The following AFF4 variants were observed in gnomAD, a reference collection of about 807,000 sequenced individuals.
The protein encoded by AFF4 is ALF transcription elongation factor 4, also known as AF4/FMR2 family member 4.
In AFF4, 13 loss-of-function variants were observed where a neutral mutation model predicts 124.8. The observed-to-expected ratio is 0.10, with a 90% confidence interval of 0.07 to 0.17. The LOEUF (loss-of-function observed/expected upper bound fraction) is 0.17, where lower values mean the gene tolerates loss of function less well. Among genes scored for constraint, AFF4 ranks in the 10% least tolerant of loss-of-function variants. AFF4 has a pLI of 1.00. For synonymous variants in AFF4, 477 were observed against 496.1 expected (o/e 0.96, Z 0.51); for missense variants, 1,092 against 1,403.8 (o/e 0.78, Z 3.55).
intron 2 of AFF4, among the ~76,000 whole-genome samples, chr5:132,936,755 T>C (rs948203841): frequency 2.6e-5 from 4 of 152,078 alleles, no homozygotes; most frequent in Admixed American, 2.6e-4. Context: ...AGGACAGCAA[T>C]AGGAGGTGGG....
chr5:132,884,987 G>A (rs1760077504), intron 19 of AFF4, 89 bp downstream of exon 19: 1 of 783,310 alleles, frequency 1.3e-6, no homozygotes, highest in Non-Finnish European at 2.1e-6. Flanking sequence ...TATTTAAAAA[G>A]TAGTCATCTT....
At chr5:132,883,234 A>G (rs745455720) in intron 20 of AFF4, 106 bp downstream of exon 20, 7 of 1,049,608 alleles carry the variant, frequency 6.7e-6, no homozygotes, top group Non-Finnish European at 9.6e-6. Flanking sequence ...ATTATCATTA[A>G]CTCTAAATAA....
chr5:132,888,189 A>T, intron 14 of AFF4, 29 bp from the exon 15 acceptor site: 1 of 1,531,732 alleles, frequency 6.5e-7, no homozygotes, highest in South Asian at 1.2e-5. Context: ...TTATAAATAG[A>T]ATAGTAAATA....
At chr5:132,925,222 T>C (rs955875645) in intron 5 of AFF4, among the ~76,000 whole-genome samples, 2 of 151,900 alleles carry the variant, frequency 1.3e-5, no homozygotes, top group African/African-American at 2.4e-5. Flanking sequence ...CCGGTGCATT[T>C]TGTATATGTA....
At chr5:132,951,574 C>T (rs892275138) in intron 1 of AFF4, among the ~76,000 whole-genome samples, 4 of 152,204 alleles carry the variant, frequency 2.6e-5, no homozygotes, top group South Asian at 2.1e-4. Flanking sequence ...GTTCCCCAGG[C>T]TGGAGTGCAG....
At chr5:132,907,190 G>A (rs566505915) in intron 5 of AFF4, among the ~76,000 whole-genome samples, 1 of 152,124 alleles carries the variant, frequency 6.6e-6, no homozygotes, top group East Asian at 1.9e-4. Context: ...ACCTACAATG[G>A]CCTTCTAATG....
chr5:132,960,009 C>G (rs980455654), intron 1 of AFF4, among the ~76,000 whole-genome samples: 2 of 152,050 alleles, frequency 1.3e-5, no homozygotes, highest in African/African-American at 2.4e-5. Context: ...CCAGCCTCAG[C>G]CTCCCAAAGT....
At chr5:132,949,963 C>T (rs930505527) in intron 1 of AFF4, among the ~76,000 whole-genome samples, 1 of 152,012 alleles carries the variant, frequency 6.6e-6, no homozygotes, top group African/African-American at 2.4e-5. Flanking sequence ...TTTGAGGCTG[C>T]AGTGAGCTAT....
At chr5:132,918,888 G>GC (rs1190632522) in intron 5 of AFF4, among the ~76,000 whole-genome samples, 1 of 138,708 alleles carries the variant, frequency 7.2e-6, no homozygotes. Flanking sequence ...TTGTTTGTTT[G>GC]TTTTTTTTTT....
In AFF4 at chr5:132,934,945, CA is replaced by C. The variant is rs754989772; in HGVS notation, c.124-5del. The C allele has an allele frequency of 2.7e-6, 4 of 1,501,490 alleles. No homozygotes were observed. The highest frequency in any genetic ancestry group is 2.3e-5 in the Admixed American group (1 of 43,528). 93.0% of individuals were successfully genotyped at this position (1,501,490 alleles called of 1,614,324 possible). On this transcript the variant is annotated splice_region_variant and splice_polypyrimidine_tract_variant and intron_variant, in intron 2 of 20. Coordinates refer to ENST00000265343, the MANE Select transcript of AFF4 (RefSeq NM_014423.4). ...ATAACTTATCTTCTTTGCTAGTCTA[CA>C]AAAAAATAAAATAAAATAAAATTAT...
At chr5:132,887,754 C>G in intron 16 of AFF4, 92 bp downstream of exon 16, 1 of 1,539,796 alleles carries the variant, frequency 6.5e-7, no homozygotes, top group African/African-American at 1.4e-5. Context: ...AAGGATTATA[C>G]ACCCTCTTCA....
intron 1 of AFF4, chr5:132,944,973 AC>A (rs375941417): frequency 7.1e-4 from 109 of 152,954 alleles, no homozygotes; most frequent in Admixed American, 1.7e-3. Context: ...AATTAAAAAA[AC>A]AAAAACAGTG....
intron 17 of AFF4, among the ~76,000 whole-genome samples, chr5:132,887,058 T>TA (rs1489461222): frequency 1.3e-5 from 2 of 152,234 alleles, no homozygotes; most frequent in African/African-American, 4.8e-5. Context: ...AGGGCTGTGT[T>TA]AGTCTTCTTC....
chr5:132,961,435 T>C (rs1166010128), intron 1 of AFF4, among the ~76,000 whole-genome samples: 1 of 152,084 alleles, frequency 6.6e-6, no homozygotes, highest in African/African-American at 2.4e-5. Flanking sequence ...CAGGATGGTC[T>C]AGAACTCCTG....
intron 1 of AFF4, among the ~76,000 whole-genome samples, chr5:132,950,301 C>T (rs573625012): frequency 5.3e-4 from 80 of 151,980 alleles, no homozygotes; most frequent in Middle Eastern, 3.4e-3. Context: ...CATGGAGAAA[C>T]CCCGTCTCTA....
intron 1 of AFF4, among the ~76,000 whole-genome samples, chr5:132,953,153 C>G: frequency 7.0e-6 from 1 of 142,470 alleles, no homozygotes; most frequent in Non-Finnish European, 1.5e-5. Context: ...TAGGGAGAAT[C>G]TGTCTCTACT....
At chr5:132,959,923 C>T (rs1369743716) in intron 1 of AFF4, among the ~76,000 whole-genome samples, 1 of 151,976 alleles carries the variant, frequency 6.6e-6, no homozygotes, top group East Asian at 1.9e-4. Context: ...TGCCACCACA[C>T]CCAGCTAATT....
At chr5:132,917,773 C>T (rs1289739088) in intron 5 of AFF4, among the ~76,000 whole-genome samples, 3 of 129,068 alleles carry the variant, frequency 2.3e-5, no homozygotes, top group Non-Finnish European at 3.1e-5. Context: ...AGTGCAATGG[C>T]GCAATCTCGG....
chr5:132,950,812 C>T (rs1761827030), intron 1 of AFF4, among the ~76,000 whole-genome samples: 1 of 152,200 alleles, frequency 6.6e-6, no homozygotes, highest in African/African-American at 2.4e-5. Context: ...CCTCATTTTG[C>T]TATCTTCTAG....
Sources: allele counts gnomAD v4.1 joint callset (sites outside exome capture counted in the v4.1 genomes callset), GRCh38; gene constraint gnomAD v4.1.1; transcripts MANE v1.5; gene names NCBI Gene and HGNC (gene_info 2026-07-23, HGNC 2026-07-21).